The following ARSI variants were observed in gnomAD, a reference collection of about 807,000 sequenced individuals.
ARSI encodes the protein arylsulfatase family member I.
ARSI carries 37 observed loss-of-function variants against 42.1 expected under a neutral mutation model. The ratio of observed to expected loss-of-function variants is 0.88; its 90% confidence interval spans 0.68 to 1.16. ARSI has a LOEUF of 1.16. ARSI is among the 50% of genes most tolerant of loss of function. The probability of loss-of-function intolerance (pLI) is 0.00; values close to 1 mark genes in which losing one functional copy is unlikely to be tolerated. For synonymous variants in ARSI, 305 were observed against 320.3 expected, an observed-to-expected ratio of 0.95 and a Z score of 0.51; for missense variants, 725 against 790.1, an observed-to-expected ratio of 0.92 and a Z score of 0.99.
rs1396091670 is a variant in ARSI, at chr5:150,302,553, C to A, written c.-180G>T. On this transcript the variant is annotated 5_prime_UTR_variant, in exon 1 of 2. Transcript: ENST00000328668. This position sits in a 1 kb window ranked among gnomAD's most constrained non-coding sequence, Gnocchi z 6.1. ...GGACGGCTGGGCCGGATCTGCTCGG[C>A]CGCAGCGGGGCGCTCTGGGGAGGTC... The A allele has an allele frequency of 6.5e-6, 3 of 460,972 alleles. No homozygotes were observed. Among genetic ancestry groups the A allele is most frequent in the African/African-American group, 4.1e-5 (2 of 48,762 alleles). The allele number at this position is 460,972 out of a possible 1,614,324, so 28.6% of individuals were successfully genotyped here. A position where few individuals can be genotyped will look rare whatever the true frequency, so the allele number is the denominator to read the frequency against.
Position 150,302,387 on chromosome 5 carries a change from C to T in ARSI, c.-14G>A, listed in dbSNP as rs755454000. ...GAGGGTGTGCATCGCCAAGCCGGCC[C>T]GCGCGTCCCGGCGCGCCGGGCTCCT... is the stretch of plus-strand genomic sequence containing the variant. On this transcript the variant is annotated 5_prime_UTR_variant, in exon 1 of 2. Transcript: ENST00000328668. The surrounding 1 kb of genome is among the most constrained non-coding windows in gnomAD (Gnocchi z 6.1). 4 of 1,417,270 alleles carry T rather than the reference C, an allele frequency of 2.8e-6. No homozygotes were observed. The East Asian group carries it at 8.4e-5, about 30-fold the overall frequency. The allele number at this position is 1,417,270 out of a possible 1,614,324, so 87.8% of individuals were successfully genotyped here. A position where few individuals can be genotyped will look rare whatever the true frequency, so the allele number is the denominator to read the frequency against.
intron 1 of ARSI, among the ~76,000 whole-genome samples, chr5:150,300,422 C>T (rs1032441878): frequency 7.9e-5 from 12 of 152,182 alleles, no homozygotes; most frequent in African/African-American, 2.9e-4. Flanking sequence ...CTCTCCAGGC[C>T]TCAATCAAGC....
chr5:150,299,654 A>G (rs1055213251), intron 1 of ARSI, among the ~76,000 whole-genome samples: 1 of 152,042 alleles, frequency 6.6e-6, no homozygotes, highest in Non-Finnish European at 1.5e-5. Context: ...CAGGACTTGA[A>G]CATAAATCCA....
At position 150,296,398 on chromosome 5, in the gene ARSI, T is replaced by C. The variant is rs1757797845; in HGVS notation, c.*816A>G. ...CAAGCTCCTCCACAACCTTGGCCAG[T>C]CTTCCAGAGCCTCATGAAGGAGGCA... is the stretch of plus-strand genomic sequence containing the variant. On this transcript the variant is annotated 3_prime_UTR_variant, in exon 2 of 2. Transcript: ENST00000328668. 6.6e-6 allele frequency: 1 copy of C among 152,340 alleles called. No individual in the cohort carries two copies. Among genetic ancestry groups the C allele is most frequent in the Admixed American group, 6.5e-5 (1 of 15,288 alleles). The allele number at this position is 152,340 out of a possible 1,614,324, so 9.4% of individuals were successfully genotyped here.
chr5:150,297,692 C>T lies in ARSI; in HGVS notation c.1232G>A (p.Trp411Ter). Reference protein sequence around the residue: ...HGSLEGGFGIWNTAVQAAIRV... With the variant: ...HGSLEGGFGI ...GATGGCAGCCTGCACGGCGGTGTTCCAGATGCCAAAGCCGCCCTCCAGGGA... is the reference window on the plus strand; with the variant it reads ...GATGGCAGCCTGCACGGCGGTGTTCTAGATGCCAAAGCCGCCCTCCAGGGA... The change falls in exon 2 of 2, where the codon TGG becomes TAG. Residue 411 changes from tryptophan (W) to a stop codon, truncating the protein, a stop_gained. Transcript: ENST00000328668. LOFTEE classifies it high-confidence loss of function. The surrounding 1 kb of genome is among the most constrained non-coding windows in gnomAD (Gnocchi z 7.0). 1 of 1,613,438 alleles carries T rather than the reference C, an allele frequency of 6.2e-7. No individual in the cohort carries two copies. The highest frequency in any genetic ancestry group is 8.5e-7 in the Non-Finnish European group (1 of 1,180,018).
Position 150,298,063 on chromosome 5 carries a change from G to A in ARSI, c.861C>T (p.Tyr287=). 1 of 1,613,072 alleles carries A rather than the reference G, an allele frequency of 6.2e-7. No individual in the cohort carries two copies. The highest frequency in any genetic ancestry group is 1.3e-5 in the African/African-American group (1 of 75,000). ...ITWALKRYGF[Y]NNSVIIFSSD... ...TGGAGAAGATGATGACACTGTTGTT[G>A]TAGAAACCGTAGCGCTTGAGGGCCC... The change falls in exon 2 of 2, where the codon TAC becomes TAT. Residue 287 remains tyrosine, a synonymous_variant. Transcript: ENST00000328668.
At position 150,296,388 on chromosome 5, in the gene ARSI, C is replaced by A. The variant is rs1407631173; in HGVS notation, c.*826G>T. The A allele has an allele frequency of 6.6e-6, 1 of 152,392 alleles. No individual in the cohort carries two copies. Among genetic ancestry groups the A allele is most frequent in the African/African-American group, 2.4e-5 (1 of 41,472 alleles). The allele number at this position is 152,392 out of a possible 1,614,324, so 9.4% of individuals were successfully genotyped here. ...ATCAAGTTCACAAGCTCCTCCACAA[C>A]CTTGGCCAGTCTTCCAGAGCCTCAT... On this transcript the variant is annotated 3_prime_UTR_variant, in exon 2 of 2. Coordinates refer to ENST00000328668, the MANE Select transcript of ARSI (RefSeq NM_001012301.4).
In ARSI at chr5:150,302,510, G is replaced by A. The variant is rs1048787476; in HGVS notation, c.-137C>T. 4.9e-6 allele frequency: 3 copies of A among 607,780 alleles called. No individual in the cohort carries two copies. Among genetic ancestry groups the A allele is most frequent in the Non-Finnish European group, 7.4e-6 (3 of 408,068 alleles). 37.6% of individuals were successfully genotyped at this position (607,780 alleles called of 1,614,324 possible). A position where few individuals can be genotyped will look rare whatever the true frequency, so the allele number is the denominator to read the frequency against. ...GCCCCCCGGGGACGGTCCAGTGTCT[G>A]GTCCGGGACTGGCTGCCGGACGGCT... On this transcript the variant is annotated 5_prime_UTR_variant, in exon 1 of 2. Transcript: ENST00000328668. The surrounding 1 kb of genome is among the most constrained non-coding windows in gnomAD (Gnocchi z 6.1).
intron 1 of ARSI, among the ~76,000 whole-genome samples, chr5:150,299,148 C>G (rs939311411): frequency 2.0e-5 from 3 of 152,196 alleles, no homozygotes; most frequent in Non-Finnish European, 4.4e-5. Context: ...CCCAAGCAGT[C>G]TGGCTCCAGA....
At chr5:150,300,032 G>A (rs986603759) in intron 1 of ARSI, among the ~76,000 whole-genome samples, 1 of 152,136 alleles carries the variant, frequency 6.6e-6, no homozygotes, top group African/African-American at 2.4e-5. Flanking sequence ...AACTTCACAA[G>A]TATGTTAAAA....
rs759441290 is a variant in ARSI at position 150,302,310 on chromosome 5, A to G, written c.64T>C (p.Trp22Arg). 1.3e-4 allele frequency: 212 copies of G among 1,597,852 alleles called. No homozygotes were observed. Among genetic ancestry groups the G allele is most frequent in the Non-Finnish European group, 1.7e-4 (201 of 1,173,354 alleles). The change falls in exon 1 of 2, where the codon TGG (tryptophan) becomes CGG (arginine). Residue 22 changes from tryptophan (W) to arginine (R), a missense_variant. Transcript: ENST00000328668. This position sits in a 1 kb window ranked among gnomAD's most constrained non-coding sequence, Gnocchi z 6.1. ...TCGGCCACGAAGCTCGGCTTGGCCCAGTCCCAGGACAGGTAGCCGAAGCTG... is the reference window on the plus strand; with the variant it reads ...TCGGCCACGAAGCTCGGCTTGGCCCGGTCCCAGGACAGGTAGCCGAAGCTG... ...LLSFGYLSWDWAKPSFVADGP... is the reference protein window; with the variant it reads ...LLSFGYLSWDRAKPSFVADGP...
rs1221107701 is a variant in ARSI at position 150,302,064 on chromosome 5, T to C, written c.310A>G (p.Arg104Gly). ...TPSRSQLLTGRYQIHTGLQHS... is the reference protein window; with the variant it reads ...TPSRSQLLTGGYQIHTGLQHS... Reference sequence around the variant, plus strand: ...CCCGGGGCCTTGAGCCACGCCTACCTGCCAGTGAGGAGCTGGCTCCGCGAA... The same window carrying C: ...CCCGGGGCCTTGAGCCACGCCTACCCGCCAGTGAGGAGCTGGCTCCGCGAA... The change falls in exon 1 of 2, where the codon AGG (arginine) becomes GGG (glycine). Residue 104 changes from arginine (R) to glycine (G), a missense_variant and splice_region_variant. Transcript: ENST00000328668. The surrounding 1 kb of genome is among the most constrained non-coding windows in gnomAD (Gnocchi z 6.1). 1 of 1,580,122 alleles carries C rather than the reference T, an allele frequency of 6.3e-7. No individual in the cohort carries two copies. Among genetic ancestry groups the C allele is most frequent in the Non-Finnish European group, 8.6e-7 (1 of 1,162,306 alleles).
At position 150,302,186 on chromosome 5, in the gene ARSI, C is replaced by T; in HGVS notation, c.188G>A (p.Gly63Asp). Residue 63 changes from glycine (G) to aspartate (D), a missense_variant, in exon 1 of 2, where the codon GGC becomes GAC. By Grantham distance (94) the Gly-to-Asp change is moderately conservative. Transcript: ENST00000328668. The surrounding 1 kb of genome is among the most constrained non-coding windows in gnomAD (Gnocchi z 6.1). ...GGTCTCGATATCTGAACCATGGTAG[C>T]CCACGTCGTGGTAGCCTTGGTCGTC... Reference protein sequence around the residue: ...LTDDQGYHDVGYHGSDIETPT... With the variant: ...LTDDQGYHDVDYHGSDIETPT... The T allele has an allele frequency of 1.2e-6, 2 of 1,614,018 alleles. No individual in the cohort carries two copies. Among genetic ancestry groups the T allele is most frequent in the Non-Finnish European group, 1.7e-6 (2 of 1,179,996 alleles).
rs1757852711 is a variant in ARSI at position 150,298,151 on chromosome 5, A to G, written c.773T>C (p.Val258Ala). ...YLYRYRTMGNVARRKYAAMVT... is the reference protein window; with the variant it reads ...YLYRYRTMGNAARRKYAAMVT... ...CATGGCCGCGTACTTCCGCCGGGCC[A>G]CATTGCCCATGGTGCGGTAGCGGTA... The change falls in exon 2 of 2, where the codon GTG becomes GCG. Residue 258 changes from valine (V) to alanine (A), a missense_variant. Val to Ala is a moderately conservative substitution (Grantham distance 64). Coordinates refer to ENST00000328668, the MANE Select transcript of ARSI (RefSeq NM_001012301.4). 1 of 1,614,014 alleles carries G rather than the reference A, an allele frequency of 6.2e-7. No homozygotes were observed. The highest frequency in any genetic ancestry group is 8.5e-7 in the Non-Finnish European group (1 of 1,180,022).
At position 150,298,440 on chromosome 5, in the gene ARSI, G is replaced by A. The variant is rs776127400; in HGVS notation, c.484C>T (p.Arg162Trp). 2.0e-5 allele frequency: 32 copies of A among 1,614,082 alleles called. No individual in the cohort carries two copies. The highest frequency in any genetic ancestry group is 6.7e-5 in the East Asian group (3 of 44,896). Residue 162 changes from arginine to tryptophan, a missense_variant, in exon 2 of 2, where the codon CGG becomes TGG. By Grantham distance (101) the Arg-to-Trp change is moderately radical (BLOSUM62 -3). Coordinates refer to ENST00000328668, the MANE Select transcript of ARSI (RefSeq NM_001012301.4). ...FYRKECLPTRRGFDTFLGSLT... is the reference protein window; with the variant it reads ...FYRKECLPTRWGFDTFLGSLT... ...GAGCCCAGGAAGGTGTCGAAGCCCC[G>A]ACGGGTGGGCAGACACTCCTTCCGG...
chr5:150,302,287 G>A lies in ARSI; in HGVS notation c.87C>T (p.Ala29=), dbSNP rs200012526. ...SWDWAKPSFV[A]DGPGEAGEQP... is the part of the protein sequence containing the mutation. ...GCTCGCCAGCCTCCCCGGGCCCGTCGGCCACGAAGCTCGGCTTGGCCCAGT... is the reference window on the plus strand; with the variant it reads ...GCTCGCCAGCCTCCCCGGGCCCGTCAGCCACGAAGCTCGGCTTGGCCCAGT... Residue 29 remains alanine (A), a synonymous_variant, in exon 1 of 2, where the codon GCC becomes GCT. Transcript: ENST00000328668. This position sits in a 1 kb window ranked among gnomAD's most constrained non-coding sequence, Gnocchi z 6.1. 4.4e-3 allele frequency: 7,048 copies of A among 1,604,888 alleles called. 25 individuals carry two copies. Among genetic ancestry groups the A allele is most frequent in the Admixed American group, 6.4e-3 (377 of 58,550 alleles).
Position 150,297,664 on chromosome 5 carries a change from G to A in ARSI, c.1260C>T (p.Arg420=), listed in dbSNP as rs780264496. The A allele has an allele frequency of 3.7e-6, 6 of 1,613,298 alleles. No individual in the cohort carries two copies. The highest frequency in any genetic ancestry group is 2.2e-5 in the South Asian group (2 of 91,040). ...CTGTCAGCAGCTTCCACTCACCCACGCGGATGGCAGCCTGCACGGCGGTGT... is the reference window on the plus strand; with the variant it reads ...CTGTCAGCAGCTTCCACTCACCCACACGGATGGCAGCCTGCACGGCGGTGT... The part of the protein sequence containing the change: ...IWNTAVQAAI[R]VGEWKLLTGD... Residue 420 remains arginine (R), a synonymous_variant, in exon 2 of 2, where the codon CGC becomes CGT. Coordinates refer to ENST00000328668, the MANE Select transcript of ARSI (RefSeq NM_001012301.4). The surrounding 1 kb of genome is among the most constrained non-coding windows in gnomAD (Gnocchi z 7.0).
intron 1 of ARSI, among the ~76,000 whole-genome samples, chr5:150,299,412 G>A (rs1414909661): frequency 7.2e-5 from 11 of 152,182 alleles, no homozygotes; most frequent in Non-Finnish European, 1.6e-4. Context: ...CCAGTGACAT[G>A]TGATGAGACT....
chr5:150,302,057 G>A lies in ARSI; in HGVS notation c.311+6C>T. Reference sequence around the variant, plus strand: ...GCCCAGCCCCGGGGCCTTGAGCCACGCCTACCTGCCAGTGAGGAGCTGGCT... The same window carrying A: ...GCCCAGCCCCGGGGCCTTGAGCCACACCTACCTGCCAGTGAGGAGCTGGCT... On this transcript the variant is annotated splice_donor_region_variant and intron_variant, in intron 1 of 1. Coordinates refer to ENST00000328668, the MANE Select transcript of ARSI (RefSeq NM_001012301.4). The surrounding 1 kb of genome is among the most constrained non-coding windows in gnomAD (Gnocchi z 6.1). The A allele has an allele frequency of 6.4e-7, 1 of 1,568,954 alleles. No homozygotes were observed. Among genetic ancestry groups the A allele is most frequent in the Non-Finnish European group, 8.6e-7 (1 of 1,156,488 alleles).
Sources: allele counts gnomAD v4.1 joint callset (sites outside exome capture counted in the v4.1 genomes callset), GRCh38; gene constraint gnomAD v4.1.1; non-coding constraint Gnocchi (gnomAD v3.1); transcripts MANE v1.5; gene names NCBI Gene and HGNC (gene_info 2026-07-23, HGNC 2026-07-21).